ARL15: variants seen among roughly 807,000 people sequenced by gnomAD.
ARL15 encodes the protein ARF like GTPase 15.
Under a neutral mutation model 25.2 loss-of-function variants are expected in ARL15, and 19 were observed. The observed-to-expected ratio is 0.75, with a 90% CI of 0.53 to 1.10. The LOEUF is 1.10. Ranked by LOEUF, ARL15 falls within the 50% of genes least tolerant of loss-of-function variation. ARL15 has a pLI of 0.00. For synonymous variants in ARL15, 94 were observed against 86.8 expected, an observed-to-expected ratio of 1.08 and a Z score of -0.46; for missense variants, 220 against 246.0, an observed-to-expected ratio of 0.89 and a Z score of 0.71.
chr5:53,930,497 C>T (rs981560794), intron 4 of ARL15, among the ~76,000 whole-genome samples: 3 of 152,158 alleles, frequency 2.0e-5, no homozygotes, highest in African/African-American at 4.8e-5. Context: ...GATAAATACT[C>T]TGTAAAAATA....
intron 2 of ARL15, 132 bp downstream of exon 2, chr5:54,171,652 T>C: frequency 3.7e-6 from 4 of 1,090,768 alleles, no homozygotes; most frequent in Middle Eastern, 3.2e-4. Flanking sequence ...GAAAAAGAGA[T>C]AGTGTTTAAA....
intron 4 of ARL15, among the ~76,000 whole-genome samples, chr5:53,978,637 G>GAAAAAAAAAAAAAAAAAAAAAAAAAAAAA (rs58627905): frequency 7.9e-6 from 1 of 125,880 alleles, no homozygotes; most frequent in Non-Finnish European, 1.7e-5. Flanking sequence ...AAAAAAAAAA[G>GAAAAAAAAAAAAAAAAAAAAAAAAAAAAA]AAAAGAAAAG....
chr5:54,124,466 G>GA (rs1470845777), intron 3 of ARL15, among the ~76,000 whole-genome samples: 2 of 151,868 alleles, frequency 1.3e-5, no homozygotes, highest in Non-Finnish European at 2.9e-5. Context: ...AAATAGCAAA[G>GA]AAAAAAACAC....
At chr5:54,301,746 A>AAG (rs889374804) in intron 1 of ARL15, among the ~76,000 whole-genome samples, 1 of 152,026 alleles carries the variant, frequency 6.6e-6, no homozygotes, top group Non-Finnish European at 1.5e-5. Context: ...CCCCAAGAGA[A>AAG]AGAGAGAGAG....
At chr5:53,895,308 G>A (rs752289654) in intron 4 of ARL15, among the ~76,000 whole-genome samples, 8 of 152,282 alleles carry the variant, frequency 5.3e-5, no homozygotes, top group Non-Finnish European at 1.0e-4. Flanking sequence ...CTCCAGTTAC[G>A]ACTTCGGATG....
chr5:54,129,610 C>T (rs1416038594), intron 3 of ARL15, among the ~76,000 whole-genome samples: 1 of 152,174 alleles, frequency 6.6e-6, no homozygotes, highest in East Asian at 1.9e-4. Context: ...CACCCACTTT[C>T]CCAATAGTAC....
intron 1 of ARL15, among the ~76,000 whole-genome samples, chr5:54,221,861 ACAC>A (rs1374960551): frequency 3.4e-5 from 5 of 148,386 alleles, no homozygotes; most frequent in African/African-American, 1.3e-4. Flanking sequence ...ACACACACAC[ACAC>A]ACACACAAAA....
chr5:54,132,627 C>G (rs1753473618), intron 3 of ARL15, among the ~76,000 whole-genome samples: 1 of 151,990 alleles, frequency 6.6e-6, no homozygotes, highest in African/African-American at 2.4e-5. Flanking sequence ...AAAAGAATGG[C>G]TACTCCATAG....
intron 4 of ARL15, among the ~76,000 whole-genome samples, chr5:54,041,744 A>G (rs970122145): frequency 6.6e-6 from 1 of 152,218 alleles, no homozygotes; most frequent in Non-Finnish European, 1.5e-5. Context: ...TTGGAATTGA[A>G]AGCATCCATA....
chr5:54,204,549 T>A (rs938647019), intron 1 of ARL15, among the ~76,000 whole-genome samples: 38 of 152,338 alleles, frequency 2.5e-4, no homozygotes, highest in African/African-American at 9.1e-4. Flanking sequence ...CTCCAGACTG[T>A]GGCCTTCTTA....
At chr5:53,998,911 A>G (rs1287035087) in intron 4 of ARL15, among the ~76,000 whole-genome samples, 3 of 152,218 alleles carry the variant, frequency 2.0e-5, no homozygotes, top group African/African-American at 7.2e-5. Flanking sequence ...AGGAGACAGA[A>G]TAAGTAAACT....
rs1754681433 is a variant in ARL15, at chr5:54,170,349, C to T, written c.193+1435G>A. 2.0e-5 allele frequency among the ~76,000 whole-genome samples: 3 copies of T among 152,174 alleles called. No individual in the cohort carries two copies. In the South Asian group the frequency reaches 6.2e-4, roughly 32 times the overall value. Reference sequence around the variant, plus strand: ...ACTGCGCTACTCACAATTTAGCCTCCACATCATGGCCAGCTTGATTCTTCT... The same window carrying T: ...ACTGCGCTACTCACAATTTAGCCTCTACATCATGGCCAGCTTGATTCTTCT... On this transcript the variant is annotated intron_variant, in intron 2 of 4. Coordinates refer to ENST00000504924, the MANE Select transcript of ARL15 (RefSeq NM_019087.3).
intron 4 of ARL15, among the ~76,000 whole-genome samples, chr5:53,943,907 A>G (rs542747032): frequency 1.4e-4 from 21 of 152,248 alleles, no homozygotes; most frequent in Non-Finnish European, 2.6e-4. Flanking sequence ...AGTAGGTAGA[A>G]TAGTGCAATG....
chr5:54,294,680 C>G (rs187402524), intron 1 of ARL15, among the ~76,000 whole-genome samples: 1 of 152,316 alleles, frequency 6.6e-6, no homozygotes, highest in Admixed American at 6.5e-5. Flanking sequence ...TTATTTCAGG[C>G]ACATAAACAC....
intron 4 of ARL15, among the ~76,000 whole-genome samples, chr5:54,053,340 G>A (rs1259088107): frequency 6.6e-6 from 1 of 152,166 alleles, no homozygotes; most frequent in African/African-American, 2.4e-5. Flanking sequence ...AATAAATGGG[G>A]TAGAAGAGAT....
intron 1 of ARL15, among the ~76,000 whole-genome samples, chr5:54,266,485 T>G (rs1365752447): frequency 6.6e-6 from 1 of 152,200 alleles, no homozygotes; most frequent in East Asian, 1.9e-4. Flanking sequence ...CTTTTGGATT[T>G]CATGAGAAAT....
intron 4 of ARL15, among the ~76,000 whole-genome samples, chr5:54,056,427 T>C (rs1750872360): frequency 6.6e-6 from 1 of 150,780 alleles, no homozygotes; most frequent in African/African-American, 2.4e-5. Flanking sequence ...AGGTCAGGAG[T>C]TCGAAACAGC....
chr5:54,081,983 C>T (rs537407815), intron 4 of ARL15, among the ~76,000 whole-genome samples: 17 of 151,658 alleles, frequency 1.1e-4, no homozygotes, highest in African/African-American at 4.1e-4. Flanking sequence ...CCCAGCTACT[C>T]GGGAGGCTAA....
chr5:54,272,589 T>C (rs894124456), intron 1 of ARL15, among the ~76,000 whole-genome samples: 22 of 152,116 alleles, frequency 1.4e-4, no homozygotes, highest in African/African-American at 5.3e-4. Flanking sequence ...CCCCAAATGT[T>C]TCTTATCAAG....
Sources: gnomAD v4.1 joint callset for allele counts (sites outside exome capture counted in the v4.1 genomes callset) on GRCh38, gnomAD v4.1.1 for gene constraint, MANE v1.5 for transcripts, NCBI Gene and HGNC (gene_info 2026-07-23, HGNC 2026-07-21) for gene names.